Variants in KCND2 observed in about 807,000 individuals in gnomAD.
The protein encoded by KCND2 is A-type voltage-gated potassium channel KCND2.
KCND2 carries 16 observed loss-of-function variants against 54.4 expected under a neutral mutation model. That is an observed-to-expected ratio of 0.29 (90% CI 0.20 to 0.45). The LOEUF (loss-of-function observed/expected upper bound fraction) is 0.45, where lower values mean the gene tolerates loss of function less well. Among genes scored for constraint, KCND2 ranks in the 20% least tolerant of loss-of-function variants. The pLI, the probability that KCND2 is intolerant of heterozygous loss-of-function variation, is 1.00. For synonymous variants in KCND2, 317 were observed against 310.7 expected (o/e 1.02, Z -0.21); for missense variants, 486 against 824.2 (o/e 0.59, Z 5.02).
intron 1 of KCND2, among the ~76,000 whole-genome samples, chr7:120,280,595 A>G (rs1799245763): frequency 6.6e-6 from 1 of 151,978 alleles, no homozygotes; most frequent in African/African-American, 2.4e-5. Flanking sequence ...CATCTTTGAA[A>G]ATGAGTCACA....
intron 1 of KCND2, among the ~76,000 whole-genome samples, chr7:120,726,829 G>T (rs1792739414): frequency 6.6e-6 from 1 of 152,146 alleles, no homozygotes; most frequent in Non-Finnish European, 1.5e-5. Flanking sequence ...CACAGGATCT[G>T]TTCATTCATT....
At chr7:120,294,023 C>T (rs1799474182) in intron 1 of KCND2, among the ~76,000 whole-genome samples, 1 of 151,954 alleles carries the variant, frequency 6.6e-6, no homozygotes, top group Non-Finnish European at 1.5e-5. Context: ...TCTACTCTTG[C>T]ATTCGTTTGT....
chr7:120,583,775 T>A (rs950032620), intron 1 of KCND2, among the ~76,000 whole-genome samples: 1 of 68,258 alleles, frequency 1.5e-5, no homozygotes, highest in Non-Finnish European at 3.2e-5. Context: ...GAATTCAGCA[T>A]AGGAATTGTG....
At chr7:120,450,274 G>A (rs1283467543) in intron 1 of KCND2, among the ~76,000 whole-genome samples, 1 of 152,154 alleles carries the variant, frequency 6.6e-6, no homozygotes, top group Middle Eastern at 3.2e-3. Context: ...GCTGGGCATG[G>A]TGACATATGC....
chr7:120,397,995 GTATATATATATATATATATA>G (rs200944488), intron 1 of KCND2, among the ~76,000 whole-genome samples: 1,984 of 93,152 alleles, frequency 0.021, 74 homozygotes, highest in African/African-American at 0.076. Context: ...GTGTGTGTGT[GTATATATATATATATATATA>G]TATATATATA....
intron 1 of KCND2, among the ~76,000 whole-genome samples, chr7:120,303,538 T>C (rs1451040426): frequency 3.3e-5 from 5 of 152,210 alleles, no homozygotes; most frequent in Non-Finnish European, 7.3e-5. Context: ...GAAAATAAGT[T>C]AGTTTATCCT....
intron 1 of KCND2, among the ~76,000 whole-genome samples, chr7:120,326,179 G>A (rs1799971906): frequency 6.6e-6 from 1 of 152,012 alleles, no homozygotes; most frequent in African/African-American, 2.4e-5. Context: ...GCACTTGATT[G>A]GGGAGGACTA....
intron 1 of KCND2, among the ~76,000 whole-genome samples, chr7:120,444,803 G>A (rs1242948909): frequency 6.6e-6 from 1 of 152,056 alleles, no homozygotes; most frequent in Non-Finnish European, 1.5e-5. Context: ...AATACTTTGA[G>A]GATGTTAAGG....
intron 1 of KCND2, among the ~76,000 whole-genome samples, chr7:120,621,673 A>T (rs2116501192): frequency 6.6e-6 from 1 of 152,340 alleles, no homozygotes; most frequent in African/African-American, 2.4e-5. Context: ...GAAGTAGGTA[A>T]ACTTTGCTGT....
At position 120,749,392 on chromosome 7, in the gene KCND2, T is replaced by A. The variant is rs1226528136; in HGVS notation, c.*1534T>A. On this transcript the variant is annotated 3_prime_UTR_variant, in exon 6 of 6. Transcript: ENST00000331113. ...TTATAACTTTTCACCCTTAAAATAT[T>A]TCAGCAGACATGTCTGCACATGACA... 6.6e-6 allele frequency: 1 copy of A among 152,328 alleles called. No individual in the cohort carries two copies. The highest frequency in any genetic ancestry group is 1.5e-5 in the Non-Finnish European group (1 of 67,828). 9.4% of individuals were successfully genotyped at this position (152,328 alleles called of 1,614,324 possible). A position where few individuals can be genotyped will look rare whatever the true frequency, so the allele number is the denominator to read the frequency against.
chr7:120,387,037 T>G (rs548143691), intron 1 of KCND2, among the ~76,000 whole-genome samples: 2 of 152,240 alleles, frequency 1.3e-5, no homozygotes, highest in South Asian at 4.1e-4. Context: ...TATCACTGTC[T>G]AACATACTAT....
intron 1 of KCND2, among the ~76,000 whole-genome samples, chr7:120,545,867 CA>C (rs879556773): frequency 1.3e-4 from 19 of 143,414 alleles, no homozygotes; most frequent in Admixed American, 1.4e-4. Flanking sequence ...GACTGTTGTT[CA>C]AAAAAAAAAG....
intron 1 of KCND2, among the ~76,000 whole-genome samples, chr7:120,449,421 C>T (rs1802070334): frequency 6.6e-6 from 1 of 152,018 alleles, no homozygotes; most frequent in African/African-American, 2.4e-5. Context: ...CTTTCTCTGA[C>T]CGGATTGAAG....
intron 1 of KCND2, among the ~76,000 whole-genome samples, chr7:120,643,546 G>C (rs1023688557): frequency 6.6e-6 from 1 of 151,838 alleles, no homozygotes; most frequent in Non-Finnish European, 1.5e-5. Context: ...AGTAAATGAC[G>C]TGCTATTTAT....
intron 1 of KCND2, among the ~76,000 whole-genome samples, chr7:120,560,178 A>G (rs1227629220): frequency 3.9e-5 from 6 of 152,324 alleles, no homozygotes; most frequent in Non-Finnish European, 7.4e-5. Context: ...TTCAACATTG[A>G]TATAAACACT....
intron 1 of KCND2, among the ~76,000 whole-genome samples, chr7:120,594,388 T>G (rs115711479): frequency 0.12 from 17,887 of 152,132 alleles, 1,699 homozygotes; most frequent in African/African-American, 0.28. Flanking sequence ...ACAGTTCTGT[T>G]GCTGTAAGTT....
chr7:120,403,489 T>TC (rs1304152536), intron 1 of KCND2, among the ~76,000 whole-genome samples: 1 of 150,934 alleles, frequency 6.6e-6, no homozygotes, highest in Non-Finnish European at 1.5e-5. Flanking sequence ...CTAATTTTTT[T>TC]TTTTTTTTTT....
chr7:120,619,240 G>T (rs544948445), intron 1 of KCND2, among the ~76,000 whole-genome samples: 1 of 152,066 alleles, frequency 6.6e-6, no homozygotes, highest in African/African-American at 2.4e-5. Context: ...TACCAGCCTG[G>T]GAAACATGGC....
intron 1 of KCND2, among the ~76,000 whole-genome samples, chr7:120,523,711 T>A (rs1331648303): frequency 2.7e-5 from 3 of 111,292 alleles, no homozygotes; most frequent in Admixed American, 1.9e-4. Flanking sequence ...ACTCTGTGTG[T>A]GTGTGTGTGT....
Sources: gnomAD v4.1 joint callset for allele counts (sites outside exome capture counted in the v4.1 genomes callset) on GRCh38, gnomAD v4.1.1 for gene constraint, MANE v1.5 for transcripts, NCBI Gene and HGNC (gene_info 2026-07-23, HGNC 2026-07-21) for gene names.